ADAMTS4: variants seen among roughly 807,000 people sequenced by gnomAD.
The protein encoded by ADAMTS4 is ADAM metallopeptidase with thrombospondin type 1 motif 4.
ADAMTS4 carries 38 observed loss-of-function variants against 66.7 expected under a neutral mutation model. The observed-to-expected ratio is 0.57, with a 90% CI of 0.44 to 0.75. The LOEUF is 0.75. ADAMTS4 is among the 30% of genes least tolerant of loss of function. ADAMTS4 has a pLI of 0.00. For synonymous variants in ADAMTS4, 418 were observed against 461.5 expected, an observed-to-expected ratio of 0.91 and a Z score of 1.21; for missense variants, 1,014 against 1,116.7, an observed-to-expected ratio of 0.91 and a Z score of 1.31.
chr1:161,186,709 A>C lies in ADAMTS4; in HGVS notation c.*4429T>G, dbSNP rs1267374395. On this transcript the variant is annotated 3_prime_UTR_variant, in exon 9 of 9. Transcript: ENST00000367996. ...TGAGCCACAGAGCGAGACTGTCTCAAAAGAAAAGGCCAGGCATGGTGGTTC... is the reference window on the plus strand; with the variant it reads ...TGAGCCACAGAGCGAGACTGTCTCACAAGAAAAGGCCAGGCATGGTGGTTC... The C allele has an allele frequency of 6.6e-6, 1 of 152,158 alleles. No individual in the cohort carries two copies. Among genetic ancestry groups the C allele is most frequent in the Non-Finnish European group, 1.5e-5 (1 of 68,064 alleles). 9.4% of individuals were successfully genotyped at this position (152,158 alleles called of 1,614,324 possible). A position where few individuals can be genotyped will look rare whatever the true frequency, so the allele number is the denominator to read the frequency against.
chr1:161,196,369 C>T, intron 2 of ADAMTS4, 66 bp from the exon 3 acceptor site: 1 of 1,547,162 alleles, frequency 6.5e-7, no homozygotes. Context: ...GGTTGAGATC[C>T]AGATTCCCGG....
rs1664499094 is a variant in ADAMTS4, at chr1:161,184,491, G to C, written c.*6647C>G. 1 of 152,202 alleles carries C rather than the reference G, an allele frequency of 6.6e-6. No individual in the cohort carries two copies. The highest frequency in any genetic ancestry group is 1.5e-5 in the Non-Finnish European group (1 of 68,042). The allele number at this position is 152,202 out of a possible 1,614,324, so 9.4% of individuals were successfully genotyped here. On this transcript the variant is annotated 3_prime_UTR_variant, in exon 9 of 9. Coordinates refer to ENST00000367996, the MANE Select transcript of ADAMTS4 (RefSeq NM_005099.6). The stretch of plus-strand genomic sequence containing the variant: ...AGGTTGCATCATTACAGGTAAGTAA[G>C]TAGCAAGGCTTAGATTCAATTTGAC...
intron 3 of ADAMTS4, 121 bp from the exon 4 acceptor site, chr1:161,195,756 C>G (rs1664805186): frequency 1.0e-6 from 1 of 955,112 alleles, no homozygotes; most frequent in Non-Finnish European, 1.5e-6. Context: ...ACCCTGCCCC[C>G]AGTCCTTTCC....
Position 161,193,120 on chromosome 1 carries a change from G to A in ADAMTS4, c.1911+93C>T. The stretch of plus-strand genomic sequence containing the variant: ...GGGCTGGCGTGGCTGTAGGAACAGG[G>A]TTACTTTGGGTGATCTTTGTTATCA... On this transcript the variant is annotated intron_variant, in intron 7 of 8. Transcript: ENST00000367996. The surrounding 1 kb of genome is among the most constrained non-coding windows in gnomAD (Gnocchi z 4.4). 1 of 1,402,338 alleles carries A rather than the reference G, an allele frequency of 7.1e-7. No individual in the cohort carries two copies. The highest frequency in any genetic ancestry group is 9.6e-7 in the Non-Finnish European group (1 of 1,043,022). 86.9% of individuals were successfully genotyped at this position (1,402,338 alleles called of 1,614,324 possible). A position where few individuals can be genotyped will look rare whatever the true frequency, so the allele number is the denominator to read the frequency against.
rs1664516609 is a variant in ADAMTS4 at position 161,185,049 on chromosome 1, G to GGGGGGGA, written c.*6082_*6088dup. The stretch of plus-strand genomic sequence containing the variant: ...AAAAAAAAGAAGAAAAAGAAAGGCA[G>GGGGGGGA]GGGGGGAGGGGGGAGGGATAGCATT... On this transcript the variant is annotated 3_prime_UTR_variant, in exon 9 of 9. Coordinates refer to ENST00000367996, the MANE Select transcript of ADAMTS4 (RefSeq NM_005099.6). 1 of 139,880 alleles carries GGGGGGGA rather than the reference G, an allele frequency of 7.1e-6. No individual in the cohort carries two copies. Among genetic ancestry groups the GGGGGGGA allele is most frequent in the African/African-American group, 2.7e-5 (1 of 37,372 alleles). 8.7% of individuals were successfully genotyped at this position (139,880 alleles called of 1,614,324 possible).
At position 161,191,036 on chromosome 1, in the gene ADAMTS4, C is replaced by T; in HGVS notation, c.*102G>A. On this transcript the variant is annotated 3_prime_UTR_variant, in exon 9 of 9. Transcript: ENST00000367996. The stretch of plus-strand genomic sequence containing the variant: ...GGGGCAGGTCTCACGCCCACAGCCC[C>T]TCCCCACTGAGTCTTAGCATGAGGC... 7.4e-7 allele frequency: 1 copy of T among 1,355,808 alleles called. No individual in the cohort carries two copies. Among genetic ancestry groups the T allele is most frequent in the Non-Finnish European group, 9.9e-7 (1 of 1,009,790 alleles). The allele number at this position is 1,355,808 out of a possible 1,614,324, so 84.0% of individuals were successfully genotyped here. A position where few individuals can be genotyped will look rare whatever the true frequency, so the allele number is the denominator to read the frequency against.
chr1:161,190,487 T>TG lies in ADAMTS4; in HGVS notation c.*650dup, dbSNP rs1664638102. On this transcript the variant is annotated 3_prime_UTR_variant, in exon 9 of 9. Transcript: ENST00000367996. Reference sequence around the variant, plus strand: ...GAGATTGTGCCATTGCACTCCAGCCTGGGCGACAGAGCGAGATTCTGTCTC... The same window carrying TG: ...GAGATTGTGCCATTGCACTCCAGCCTGGGGCGACAGAGCGAGATTCTGTCTC... The TG allele has an allele frequency of 7.1e-6, 1 of 140,306 alleles. No homozygotes were observed. Among genetic ancestry groups the TG allele is most frequent in the East Asian group, 2.1e-4 (1 of 4,788 alleles). 8.7% of individuals were successfully genotyped at this position (140,306 alleles called of 1,614,324 possible). A position where few individuals can be genotyped will look rare whatever the true frequency, so the allele number is the denominator to read the frequency against.
At chr1:161,191,957 C>G in intron 8 of ADAMTS4, 108 bp downstream of exon 8, 2 of 1,326,828 alleles carry the variant, frequency 1.5e-6, no homozygotes, top group Non-Finnish European at 1.1e-6. Flanking sequence ...GTCTATCTCC[C>G]GCTAGACTGT....
At position 161,191,186 on chromosome 1, in the gene ADAMTS4, T is replaced by A; in HGVS notation, c.2466A>T (p.Ala822=). The change falls in exon 9 of 9, where the codon GCA becomes GCT. Residue 822 remains alanine (A), a synonymous_variant. Coordinates refer to ENST00000367996, the MANE Select transcript of ADAMTS4 (RefSeq NM_005099.6). The part of the protein sequence containing the change: ...PTPQDWLHRR[A]QILEILRRRP... The stretch of plus-strand genomic sequence containing the variant: ...GCCGCCGAAGGATCTCCAGAATCTG[T>A]GCTCTTCGGTGCAGCCAGTCCTGGG... 2 of 1,592,840 alleles carry A rather than the reference T, an allele frequency of 1.3e-6. No homozygotes were observed. The highest frequency in any genetic ancestry group is 1.7e-6 in the Non-Finnish European group (2 of 1,164,654).
chr1:161,191,149 C>T lies in ADAMTS4; in HGVS notation c.2503G>A (p.Gly835Ser), dbSNP rs1336605919. 1.3e-6 allele frequency: 2 copies of T among 1,550,630 alleles called. No individual in the cohort carries two copies. Among genetic ancestry groups the T allele is most frequent in the South Asian group, 2.4e-5 (2 of 82,730 alleles). The part of the protein sequence containing the change: ...LEILRRRPWA[G>S]RK ...CCGGGATAGTGAGGTTATTTCCTGC[C>T]CGCCCAGGGGCGCCGCCGAAGGATC... Residue 835 changes from glycine to serine, a missense_variant, in exon 9 of 9, where the codon GGC (glycine) becomes AGC (serine). Coordinates refer to ENST00000367996, the MANE Select transcript of ADAMTS4 (RefSeq NM_005099.6).
intron 1 of ADAMTS4, 126 bp from the exon 2 acceptor site, chr1:161,197,006 C>T (rs776558976): frequency 8.1e-5 from 73 of 901,750 alleles, no homozygotes; most frequent in Non-Finnish European, 1.1e-4. Context: ...ACACACCCCA[C>T]GGGATTCCTG....
intron 1 of ADAMTS4, 123 bp from the exon 2 acceptor site, chr1:161,197,003 C>T (rs1260430353): frequency 6.6e-6 from 6 of 905,638 alleles, no homozygotes; most frequent in Non-Finnish European, 1.0e-5. Flanking sequence ...CCCACACACC[C>T]CACGGGATTC....
intron 3 of ADAMTS4, 40 bp downstream of exon 3, chr1:161,196,131 T>C (rs767276308): frequency 6.9e-5 from 82 of 1,186,056 alleles, no homozygotes; most frequent in Non-Finnish European, 9.0e-5. Flanking sequence ...CTCCCCCACC[T>C]TCTCCTCCCT....
In ADAMTS4 at chr1:161,193,066, A is replaced by G; in HGVS notation, c.1911+147T>C. The G allele has an allele frequency of 4.6e-6, 4 of 862,770 alleles. No individual in the cohort carries two copies. Among genetic ancestry groups the G allele is most frequent in the Non-Finnish European group, 5.2e-6 (3 of 577,684 alleles). 53.4% of individuals were successfully genotyped at this position (862,770 alleles called of 1,614,324 possible). On this transcript the variant is annotated intron_variant, in intron 7 of 8. Transcript: ENST00000367996. This position sits in a 1 kb window ranked among gnomAD's most constrained non-coding sequence, Gnocchi z 4.4. ...GGGCTCGTTTTCCTGATACCCATGT[A>G]CAGATAAGTCTGAGTGGAATCCTGG...
Position 161,186,074 on chromosome 1 carries a change from A to G in ADAMTS4, c.*5064T>C, listed in dbSNP as rs1664535678. The G allele has an allele frequency of 6.6e-6, 1 of 152,052 alleles. No individual in the cohort carries two copies. The highest frequency in any genetic ancestry group is 2.1e-4 in the South Asian group (1 of 4,828). The allele number at this position is 152,052 out of a possible 1,614,324, so 9.4% of individuals were successfully genotyped here. On this transcript the variant is annotated 3_prime_UTR_variant, in exon 9 of 9. Coordinates refer to ENST00000367996, the MANE Select transcript of ADAMTS4 (RefSeq NM_005099.6). ...TTTTCTTTTTCCATTTCCTCTTTTC[A>G]TCTCCAGGACCAGATACTTGAATTG...
Position 161,193,411 on chromosome 1 carries a change from G to A in ADAMTS4, c.1736-23C>T. On this transcript the variant is annotated intron_variant, in intron 6 of 8. Transcript: ENST00000367996. This position sits in a 1 kb window ranked among gnomAD's most constrained non-coding sequence, Gnocchi z 4.4. ...GGGCTGGAGGGGTAAAACAGTCAGA[G>A]CCCCTCCTTCCTTCCTCACATCACC... 6.2e-7 allele frequency: 1 copy of A among 1,607,374 alleles called. No individual in the cohort carries two copies.
chr1:161,198,883 C>T lies in ADAMTS4; in HGVS notation c.-256G>A. On this transcript the variant is annotated 5_prime_UTR_variant, in exon 1 of 9. Transcript: ENST00000367996. This position sits in a 1 kb window ranked among gnomAD's most constrained non-coding sequence, Gnocchi z 4.7. ...CTCCTTTCCTGGATCTTTGTCTCTC[C>T]CTGCCTGTGTCTTCTGCAGCTTCTC... 2.3e-6 allele frequency: 1 copy of T among 438,664 alleles called. No homozygotes were observed. The highest frequency in any genetic ancestry group is 3.9e-5 in the Admixed American group (1 of 25,842). 27.2% of individuals were successfully genotyped at this position (438,664 alleles called of 1,614,324 possible).
rs749410283 is a variant in ADAMTS4, at chr1:161,186,923, C to G, written c.*4215G>C. 9 of 152,076 alleles carry G rather than the reference C, an allele frequency of 5.9e-5. No homozygotes were observed. The highest frequency in any genetic ancestry group is 1.3e-4 in the Admixed American group (2 of 15,258). The allele number at this position is 152,076 out of a possible 1,614,324, so 9.4% of individuals were successfully genotyped here. A position where few individuals can be genotyped will look rare whatever the true frequency, so the allele number is the denominator to read the frequency against. On this transcript the variant is annotated 3_prime_UTR_variant, in exon 9 of 9. Coordinates refer to ENST00000367996, the MANE Select transcript of ADAMTS4 (RefSeq NM_005099.6). ...GGTTGAGGTGGGAGGGTTGCTTGAG[C>G]CTGAGAGTTCAAGGCTGCAGTGAGC...
rs1378236370 is a variant in ADAMTS4 at position 161,194,255 on chromosome 1, G to A, written c.1262-34C>T. 6.3e-6 allele frequency: 10 copies of A among 1,591,154 alleles called. No homozygotes were observed. The highest frequency in any genetic ancestry group is 1.7e-4 in the Middle Eastern group (1 of 5,988). ...GGGGTTGGGGCACAAAGTCAGCAAC[G>A]GGCTGAGGGGAGCATTCAGGATTGC... On this transcript the variant is annotated intron_variant, in intron 4 of 8. Coordinates refer to ENST00000367996, the MANE Select transcript of ADAMTS4 (RefSeq NM_005099.6). The surrounding 1 kb of genome is among the most constrained non-coding windows in gnomAD (Gnocchi z 4.1).
Sources: gnomAD v4.1 joint callset for allele counts on GRCh38, gnomAD v4.1.1 for gene constraint, Gnocchi (gnomAD v3.1) non-coding constraint, MANE v1.5 for transcripts, NCBI Gene and HGNC (gene_info 2026-07-23, HGNC 2026-07-21) for gene names.